Variants in KCNJ6 observed in about 807,000 individuals in gnomAD.
KCNJ6 encodes G protein-activated inward rectifier potassium channel 2.
KCNJ6 carries 9 observed loss-of-function variants against 34.2 expected under a neutral mutation model. The observed-to-expected ratio is 0.26, with a 90% CI of 0.16 to 0.46. The LOEUF (loss-of-function observed/expected upper bound fraction) is 0.46. Among genes scored for constraint, KCNJ6 ranks in the 20% least tolerant of loss-of-function variants. The probability of loss-of-function intolerance (pLI) is 1.00; values close to 1 mark genes in which losing one functional copy is unlikely to be tolerated. For synonymous variants in KCNJ6, 196 were observed against 207.1 expected (o/e 0.95, Z 0.46); for missense variants, 236 against 531.3 (o/e 0.44, Z 5.46).
chr21:37,653,302 C>A (rs1176484351), intron 3 of KCNJ6, among the ~76,000 whole-genome samples: 1 of 152,076 alleles, frequency 6.6e-6, no homozygotes, highest in African/African-American at 2.4e-5. Flanking sequence ...ATCAGTGGGT[C>A]AGTAGGTTGA....
At chr21:37,674,700 CT>C (rs1425094305) in intron 3 of KCNJ6, among the ~76,000 whole-genome samples, 1 of 151,594 alleles carries the variant, frequency 6.6e-6, no homozygotes, top group Non-Finnish European at 1.5e-5. Flanking sequence ...TCCCCTATAC[CT>C]CACGTACTTC....
At chr21:37,766,484 C>T (rs926629038) in intron 2 of KCNJ6, among the ~76,000 whole-genome samples, 2 of 152,108 alleles carry the variant, frequency 1.3e-5, no homozygotes, top group African/African-American at 2.4e-5. Context: ...AGCCCATCTA[C>T]AGCTGAAGTC....
At chr21:37,788,281 G>A (rs892840253) in intron 2 of KCNJ6, among the ~76,000 whole-genome samples, 1 of 152,188 alleles carries the variant, frequency 6.6e-6, no homozygotes, top group South Asian at 2.1e-4. Context: ...AATTCCAGTA[G>A]CTAGCCATGG....
intron 2 of KCNJ6, among the ~76,000 whole-genome samples, chr21:37,787,099 TC>T (rs2055196258): frequency 6.6e-6 from 1 of 152,180 alleles, no homozygotes; most frequent in Non-Finnish European, 1.5e-5. Flanking sequence ...TTCTCTTTTG[TC>T]CTCTGAATTC....
At chr21:37,634,440 C>A (rs542270756) in intron 3 of KCNJ6, among the ~76,000 whole-genome samples, 1 of 152,156 alleles carries the variant, frequency 6.6e-6, no homozygotes, top group African/African-American at 2.4e-5. Flanking sequence ...AATCAAGAAC[C>A]AAATGAACCT....
At chr21:37,896,928 G>A (rs1224847635) in intron 1 of KCNJ6, among the ~76,000 whole-genome samples, 1 of 152,178 alleles carries the variant, frequency 6.6e-6, no homozygotes, top group African/African-American at 2.4e-5. Context: ...GAAGAAATGA[G>A]TGCCCACAGC....
At chr21:37,832,481 T>C (rs1302226464) in intron 2 of KCNJ6, among the ~76,000 whole-genome samples, 1 of 152,182 alleles carries the variant, frequency 6.6e-6, no homozygotes, top group Non-Finnish European at 1.5e-5. Context: ...TCAGGAACCC[T>C]GGGACCTCCG....
intron 2 of KCNJ6, among the ~76,000 whole-genome samples, chr21:37,725,480 G>A (rs2054849657): frequency 6.6e-6 from 1 of 152,208 alleles, no homozygotes; most frequent in South Asian, 2.1e-4. Flanking sequence ...GTTACCCTAA[G>A]ATTCGCAAAA....
At chr21:37,808,429 C>T (rs944598384) in intron 2 of KCNJ6, among the ~76,000 whole-genome samples, 5 of 152,128 alleles carry the variant, frequency 3.3e-5, no homozygotes, top group Non-Finnish European at 5.9e-5. Flanking sequence ...GAATGGAAAA[C>T]GTTAGCAAAC....
intron 1 of KCNJ6, among the ~76,000 whole-genome samples, chr21:37,894,144 C>G (rs1490897656): frequency 6.6e-6 from 1 of 152,188 alleles, no homozygotes; most frequent in African/African-American, 2.4e-5. Context: ...GCTTATTTAT[C>G]CTTCTTTGAT....
intron 1 of KCNJ6, among the ~76,000 whole-genome samples, chr21:37,886,344 C>CT (rs2055735380): frequency 6.6e-6 from 1 of 152,156 alleles, no homozygotes; most frequent in Non-Finnish European, 1.5e-5. Context: ...TCAGTGTTGC[C>CT]TGGTGACAGC....
At chr21:37,846,353 CTGTGTGTGTGTGTGTGTGTGTGTG>C (rs55697215) in intron 1 of KCNJ6, among the ~76,000 whole-genome samples, 33 of 145,054 alleles carry the variant, frequency 2.3e-4, no homozygotes, top group Middle Eastern at 3.5e-3. Flanking sequence ...CTGAGACACT[CTGTGTGTGTGTGTGTGTGTGTGTG>C]TGTGTGTGTG....
intron 3 of KCNJ6, among the ~76,000 whole-genome samples, chr21:37,708,216 A>C (rs1444549421): frequency 6.6e-6 from 1 of 152,206 alleles, no homozygotes; most frequent in Non-Finnish European, 1.5e-5. Context: ...GGAAATGTTT[A>C]GTGGAGTTAT....
chr21:37,844,589 C>T (rs1196585920), intron 1 of KCNJ6, among the ~76,000 whole-genome samples: 4 of 152,148 alleles, frequency 2.6e-5, no homozygotes, highest in East Asian at 3.9e-4. Context: ...ACCGATGGTT[C>T]TTTCTTCTCC....
At chr21:37,666,021 A>C (rs1050199219) in intron 3 of KCNJ6, among the ~76,000 whole-genome samples, 2 of 152,186 alleles carry the variant, frequency 1.3e-5, no homozygotes, top group Non-Finnish European at 2.9e-5. Flanking sequence ...CCATGATGTC[A>C]TTTCATACCC....
chr21:37,805,495 T>C (rs1309115079), intron 2 of KCNJ6, among the ~76,000 whole-genome samples: 2 of 152,070 alleles, frequency 1.3e-5, no homozygotes, highest in Non-Finnish European at 2.9e-5. Flanking sequence ...GGTCTCTTGC[T>C]ACCCTTTGCA....
intron 1 of KCNJ6, among the ~76,000 whole-genome samples, chr21:37,858,826 A>C (rs2055578382): frequency 6.6e-6 from 1 of 152,228 alleles, no homozygotes; most frequent in African/African-American, 2.4e-5. Context: ...TTAAGGGAAT[A>C]AAGGTCAGCA....
intron 1 of KCNJ6, among the ~76,000 whole-genome samples, chr21:37,893,446 T>C (rs2055772546): frequency 6.6e-6 from 1 of 152,084 alleles, no homozygotes; most frequent in South Asian, 2.1e-4. Context: ...GACCTTGTGA[T>C]CCACCTGCCT....
chr21:37,866,480 C>G (rs2055623314), intron 1 of KCNJ6, among the ~76,000 whole-genome samples: 1 of 152,118 alleles, frequency 6.6e-6, no homozygotes, highest in Non-Finnish European at 1.5e-5. Context: ...TTCACTGAAC[C>G]AGGAGCCCGA....
Sources: gnomAD v4.1 joint callset for allele counts (sites outside exome capture counted in the v4.1 genomes callset) on GRCh38, gnomAD v4.1.1 for gene constraint, MANE v1.5 for transcripts, NCBI Gene and HGNC (gene_info 2026-07-23, HGNC 2026-07-21) for gene names.